LUC7L2: variants seen among roughly 807,000 people sequenced by gnomAD.
LUC7L2 encodes putative RNA-binding protein Luc7-like 2.
A neutral mutation model predicts 52.8 loss-of-function variants in LUC7L2; 25 were observed. The observed-to-expected ratio is 0.47, with a 90% CI of 0.34 to 0.66. The LOEUF is 0.66. Among genes scored for constraint, LUC7L2 ranks in the 30% least tolerant of loss-of-function variants. The pLI is 0.01. For missense variants in LUC7L2, 328 were observed against 497.8 expected (o/e 0.66, Z 3.25); for synonymous variants, 144 against 160.9 (o/e 0.89, Z 0.80).
intron 1 of LUC7L2, among the ~76,000 whole-genome samples, chr7:139,373,630 T>C (rs1800567342): frequency 6.6e-6 from 1 of 151,972 alleles, no homozygotes; most frequent in Admixed American, 6.6e-5. Context: ...CCAGGGATAC[T>C]GCCTGGTTTG....
At chr7:139,363,722 A>G (rs1159457793) in intron 1 of LUC7L2, among the ~76,000 whole-genome samples, 1 of 152,150 alleles carries the variant, frequency 6.6e-6, no homozygotes, top group Non-Finnish European at 1.5e-5. Flanking sequence ...ATTTGAAAGC[A>G]GGGAGGAGTT....
At chr7:139,376,759 C>A (rs1395609048) in intron 2 of LUC7L2, among the ~76,000 whole-genome samples, 1 of 152,166 alleles carries the variant, frequency 6.6e-6, no homozygotes, top group Non-Finnish European at 1.5e-5. Flanking sequence ...ATTTGATTCT[C>A]TGAATTTTGG....
rs934698535 is a variant in LUC7L2, at chr7:139,423,090, G to A, written c.*750G>A. On this transcript the variant is annotated 3_prime_UTR_variant, in exon 10 of 10. Coordinates refer to ENST00000354926, the MANE Select transcript of LUC7L2 (RefSeq NM_016019.5). ...GCACTTGTTTTATTTTGTGTGTGTG[G>A]AGTATAAAGGCTACACCCTTATTGT... 14 of 398,738 alleles carry A rather than the reference G, an allele frequency of 3.5e-5. No homozygotes were observed. Among genetic ancestry groups the A allele is most frequent in the Non-Finnish European group, 5.8e-5 (13 of 226,048 alleles). 24.7% of individuals were successfully genotyped at this position (398,738 alleles called of 1,614,324 possible). A position where few individuals can be genotyped will look rare whatever the true frequency, so the allele number is the denominator to read the frequency against.
In LUC7L2 at chr7:139,368,172, A is replaced by G. The variant is rs145430278; in HGVS notation, c.61+7850A>G. Among the ~76,000 whole-genome samples, 452 of 152,302 alleles carry G rather than the reference A, an allele frequency of 3.0e-3. 1 individual carries two copies. The highest frequency in any genetic ancestry group is 0.01 in the African/African-American group (420 of 41,562). ...TAGGGTATAGTAATTATTTATAGCA[A>G]TAGATTGATACCCAGGTTGCAGAGT... On this transcript the variant is annotated intron_variant, in intron 1 of 9. Transcript: ENST00000354926.
intron 2 of LUC7L2, among the ~76,000 whole-genome samples, chr7:139,378,834 G>A (rs1031904164): frequency 7.9e-5 from 12 of 152,118 alleles, no homozygotes; most frequent in African/African-American, 2.7e-4. Flanking sequence ...GTCTCACAAC[G>A]TCCTTTACGT....
chr7:139,397,037 A>G (rs78715909), intron 2 of LUC7L2, among the ~76,000 whole-genome samples: 209 of 152,246 alleles, frequency 1.4e-3, no homozygotes, highest in Middle Eastern at 6.8e-3. Flanking sequence ...TTTTATACAT[A>G]TTTAGGTTGT....
At chr7:139,364,908 A>G (rs928749399) in intron 1 of LUC7L2, among the ~76,000 whole-genome samples, 3 of 152,218 alleles carry the variant, frequency 2.0e-5, no homozygotes, top group Non-Finnish European at 2.9e-5. Context: ...GTTGTGAGCC[A>G]TTCTTTTATT....
chr7:139,416,040 AATAT>A (rs66498771), intron 8 of LUC7L2: 1,290 of 96,870 alleles, frequency 0.013, 31 homozygotes, highest in East Asian at 0.024. Flanking sequence ...TGAGGTATAA[AATAT>A]ATATATATAT....
intron 2 of LUC7L2, among the ~76,000 whole-genome samples, chr7:139,390,500 G>A (rs4283989): frequency 0.39 from 57,962 of 150,388 alleles, 15,573 homozygotes; most frequent in African/African-American, 0.77. Context: ...AAGTGCTGGG[G>A]TTACAGACAT....
chr7:139,349,931 A>G (rs1479699594), intron 1 of LUC7L2, among the ~76,000 whole-genome samples: 2 of 152,180 alleles, frequency 1.3e-5, no homozygotes, highest in African/African-American at 2.4e-5. Flanking sequence ...TAACATTTCC[A>G]TCACCCCAAA....
At chr7:139,378,524 G>C (rs1315935413) in intron 2 of LUC7L2, among the ~76,000 whole-genome samples, 1 of 152,064 alleles carries the variant, frequency 6.6e-6, no homozygotes, top group African/African-American at 2.4e-5. Flanking sequence ...CAAGTGAGCT[G>C]TGATCACACC....
At chr7:139,418,068 A>G (rs1021745211) in intron 9 of LUC7L2, among the ~76,000 whole-genome samples, 3 of 152,260 alleles carry the variant, frequency 2.0e-5, no homozygotes, top group Non-Finnish European at 2.9e-5. Flanking sequence ...GGGCTCTGAG[A>G]AGTCCTTTCA....
At chr7:139,344,049 A>C (rs1300478130) in intron 1 of LUC7L2, among the ~76,000 whole-genome samples, 1 of 151,610 alleles carries the variant, frequency 6.6e-6, no homozygotes, top group East Asian at 1.9e-4. Context: ...TCCCCATCTC[A>C]CCTTTCCTGC....
intron 2 of LUC7L2, among the ~76,000 whole-genome samples, chr7:139,394,196 C>A (rs1440154450): frequency 6.6e-6 from 1 of 152,212 alleles, no homozygotes; most frequent in Non-Finnish European, 1.5e-5. Flanking sequence ...TTCATCTTGA[C>A]CACTCTGGCT....
At chr7:139,372,816 T>G (rs1800521614) in intron 1 of LUC7L2, among the ~76,000 whole-genome samples, 1 of 152,102 alleles carries the variant, frequency 6.6e-6, no homozygotes, top group Admixed American at 6.5e-5. Flanking sequence ...TATGTCCTAT[T>G]TCTTTAGCAA....
At chr7:139,402,772 C>T (rs1794970872) in intron 4 of LUC7L2, among the ~76,000 whole-genome samples, 1 of 152,232 alleles carries the variant, frequency 6.6e-6, no homozygotes, top group African/African-American at 2.4e-5. Context: ...GATCTACCCA[C>T]CTTGGCCTCC....
At chr7:139,400,434 G>A (rs367950203) in intron 3 of LUC7L2, among the ~76,000 whole-genome samples, 11 of 152,284 alleles carry the variant, frequency 7.2e-5, no homozygotes, top group African/African-American at 1.9e-4. Flanking sequence ...ACTTGAACCC[G>A]GGAGTCAGGT....
intron 1 of LUC7L2, among the ~76,000 whole-genome samples, chr7:139,369,221 T>C (rs1158285084): frequency 6.6e-6 from 1 of 152,224 alleles, no homozygotes; most frequent in Admixed American, 6.5e-5. Flanking sequence ...CAGAGTGCAA[T>C]TGTTACTATG....
chr7:139,390,767 A>T (rs1569381945), intron 2 of LUC7L2, among the ~76,000 whole-genome samples: 1 of 151,842 alleles, frequency 6.6e-6, no homozygotes, highest in Non-Finnish European at 1.5e-5. Context: ...CGTGTTAGCC[A>T]GGATGGTCTC....
Sources: allele counts gnomAD v4.1 joint callset (sites outside exome capture counted in the v4.1 genomes callset), GRCh38; gene constraint gnomAD v4.1.1; transcripts MANE v1.5; gene names NCBI Gene and HGNC (gene_info 2026-07-23, HGNC 2026-07-21).